The following PTPRO variants were observed in gnomAD, a reference collection of about 807,000 sequenced individuals.
PTPRO encodes protein tyrosine phosphatase receptor type O, also known as receptor-type tyrosine-protein phosphatase O.
In PTPRO, 62 loss-of-function variants were observed where a neutral mutation model predicts 145.2. The ratio of observed to expected loss-of-function variants is 0.43; its 90% CI spans 0.35 to 0.53. The LOEUF (loss-of-function observed/expected upper bound fraction) is 0.53. PTPRO is among the 20% of genes least tolerant of loss of function. The pLI is 0.01. For synonymous variants in PTPRO, 565 were observed against 514.7 expected (o/e 1.10, Z -1.32); for missense variants, 1,345 against 1,482.7 (o/e 0.91, Z 1.53).
chr12:15,396,318 G>T (rs1395118968), intron 1 of PTPRO, among the ~76,000 whole-genome samples: 1 of 152,108 alleles, frequency 6.6e-6, no homozygotes, highest in Non-Finnish European at 1.5e-5. Flanking sequence ...TGTTGCACTT[G>T]TGTCTTTAAA....
At chr12:15,528,563 CAT>C (rs1942893217) in intron 12 of PTPRO, among the ~76,000 whole-genome samples, 1 of 148,804 alleles carries the variant, frequency 6.7e-6, no homozygotes, top group Non-Finnish European at 1.5e-5. Context: ...AAAGATCAAA[CAT>C]AAGAATTATT....
chr12:15,571,846 A>G (rs942082674), intron 19 of PTPRO, among the ~76,000 whole-genome samples: 18 of 152,184 alleles, frequency 1.2e-4, no homozygotes, highest in African/African-American at 3.9e-4. Context: ...TTATCTCCCA[A>G]TAAAGAGAGG....
chr12:15,398,086 A>G (rs1031424261), intron 1 of PTPRO, among the ~76,000 whole-genome samples: 3 of 152,160 alleles, frequency 2.0e-5, no homozygotes, highest in Non-Finnish European at 4.4e-5. Context: ...TCCCATCTTT[A>G]ATGTGAAGAT....
At chr12:15,500,799 G>C (rs978633546) in intron 4 of PTPRO, among the ~76,000 whole-genome samples, 5 of 152,152 alleles carry the variant, frequency 3.3e-5, no homozygotes, top group African/African-American at 1.2e-4. Context: ...GCTGGTGCCT[G>C]TAATCCCAGC....
intron 1 of PTPRO, among the ~76,000 whole-genome samples, chr12:15,343,198 T>A (rs188876261): frequency 1.3e-4 from 20 of 152,180 alleles, no homozygotes; most frequent in African/African-American, 4.6e-4. Context: ...TGTAAACGTT[T>A]TGAAATCTTA....
At chr12:15,370,427 A>G (rs937675296) in intron 1 of PTPRO, among the ~76,000 whole-genome samples, 9 of 152,246 alleles carry the variant, frequency 5.9e-5, no homozygotes, top group Non-Finnish European at 1.2e-4. Context: ...TGCAAATTAA[A>G]ACTGTAAAAT....
rs759389651 is a variant in PTPRO, at chr12:15,581,733, A to G, written c.3187A>G (p.Ile1063Val). ...GGAAGAACCTATAGCCTATGGAGAC[A>G]TCACTGTGGAGATGATTTCAGAGGA... ...FTEEPIAYGD[I>V]TVEMISEEEQ... Residue 1063 changes from isoleucine (I) to valine (V), a missense_variant, in exon 23 of 27, where the codon ATC becomes GTC. This residue lies in a region of PTPRO where 208 missense variants were observed against 242.8 expected (regional missense o/e 0.86). Transcript: ENST00000281171. The G allele has an allele frequency of 1.1e-5, 18 of 1,613,984 alleles. No homozygotes were observed. The highest frequency in any genetic ancestry group is 1.5e-5 in the Non-Finnish European group (18 of 1,179,962).
At chr12:15,387,656 G>A (rs1354786738) in intron 1 of PTPRO, among the ~76,000 whole-genome samples, 1 of 152,136 alleles carries the variant, frequency 6.6e-6, no homozygotes, top group African/African-American at 2.4e-5. Flanking sequence ...TCAGGACCAT[G>A]CCATCTGAGT....
In PTPRO at chr12:15,526,166, A is replaced by C; in HGVS notation, c.2068A>C (p.Ile690Leu). 1.2e-6 allele frequency: 2 copies of C among 1,614,048 alleles called. No individual in the cohort carries two copies. Among genetic ancestry groups the C allele is most frequent in the South Asian group, 2.2e-5 (2 of 91,084 alleles). ...KSVTRNVMTA[I>L]LSLPPGDIYN... ...GGTAACACGCAATGTCATGACTGCA[A>C]TTCTCAGCTTGCCTCCAGGCGACAT... The change falls in exon 12 of 27, where the codon ATT becomes CTT. Residue 690 changes from isoleucine (I) to leucine (L), a missense_variant. Physicochemically the swap from Ile to Leu is conservative, Grantham distance 5. Coordinates refer to ENST00000281171, the MANE Select transcript of PTPRO (RefSeq NM_030667.3).
At chr12:15,469,744 G>C (rs1250456036) in intron 1 of PTPRO, among the ~76,000 whole-genome samples, 1 of 129,898 alleles carries the variant, frequency 7.7e-6, no homozygotes, top group Non-Finnish European at 1.6e-5. Flanking sequence ...GAACTAAATA[G>C]GAATCATGGC....
At chr12:15,577,373 A>C (rs1944209741) in intron 19 of PTPRO, among the ~76,000 whole-genome samples, 1 of 152,240 alleles carries the variant, frequency 6.6e-6, no homozygotes. Context: ...AGTTAAAAGC[A>C]TCAGAAGACC....
At chr12:15,363,303 T>G (rs1938264216) in intron 1 of PTPRO, among the ~76,000 whole-genome samples, 1 of 152,164 alleles carries the variant, frequency 6.6e-6, no homozygotes, top group African/African-American at 2.4e-5. Context: ...AGTAATTACC[T>G]CTCCTCCACA....
chr12:15,513,863 A>C (rs537066008), intron 7 of PTPRO, among the ~76,000 whole-genome samples: 1 of 152,328 alleles, frequency 6.6e-6, no homozygotes, highest in South Asian at 2.1e-4. Context: ...CAATGAAGTA[A>C]CCAAGGTAAG....
intron 1 of PTPRO, among the ~76,000 whole-genome samples, chr12:15,389,018 A>G (rs1249898161): frequency 6.6e-6 from 1 of 151,470 alleles, no homozygotes. Flanking sequence ...ATCTATTTTG[A>G]TGGTATTTTT....
intron 19 of PTPRO, 117 bp from the exon 20 acceptor site, chr12:15,578,736 T>G (rs1944241351): frequency 3.8e-6 from 3 of 792,788 alleles, no homozygotes; most frequent in Admixed American, 3.9e-5. Flanking sequence ...CTTCCACCTC[T>G]AAAGGGAGCT....
At chr12:15,327,454 C>G (rs1866478129) in intron 1 of PTPRO, among the ~76,000 whole-genome samples, 1 of 152,142 alleles carries the variant, frequency 6.6e-6, no homozygotes, top group Non-Finnish European at 1.5e-5. Flanking sequence ...CCACAACCAA[C>G]CAGAACTGAC....
At chr12:15,384,333 T>C (rs971389294) in intron 1 of PTPRO, among the ~76,000 whole-genome samples, 7 of 152,180 alleles carry the variant, frequency 4.6e-5, no homozygotes, top group Admixed American at 4.6e-4. Flanking sequence ...GTTAATTAGG[T>C]CACTGTCTTA....
chr12:15,563,252 G>C (rs1481963022), intron 17 of PTPRO, among the ~76,000 whole-genome samples: 1 of 152,018 alleles, frequency 6.6e-6, no homozygotes, highest in Non-Finnish European at 1.5e-5. Context: ...TATTGATTTG[G>C]AAAATCTTTT....
intron 1 of PTPRO, among the ~76,000 whole-genome samples, chr12:15,391,972 C>T (rs1939200939): frequency 6.6e-6 from 1 of 152,174 alleles, no homozygotes. Context: ...AAGAGAACAG[C>T]AACCCAACCC....
Sources: gnomAD v4.1 joint callset for allele counts (sites outside exome capture counted in the v4.1 genomes callset) on GRCh38, gnomAD v4.1.1 for gene constraint, gnomAD v4.1.1 regional missense constraint, MANE v1.5 for transcripts, NCBI Gene and HGNC (gene_info 2026-07-23, HGNC 2026-07-21) for gene names.